The following ESRP1 variants were observed in gnomAD, a reference collection of about 807,000 sequenced individuals.
The protein encoded by ESRP1 is RNA-binding motif protein 35A.
Under a neutral mutation model 81.7 loss-of-function variants are expected in ESRP1, and 33 were observed. That is an observed-to-expected ratio of 0.40 (90% CI 0.31 to 0.54). ESRP1 has a LOEUF of 0.54. Among genes scored for constraint, ESRP1 ranks in the 20% least tolerant of loss-of-function variants. The pLI is 0.41. For synonymous variants in ESRP1, 320 were observed against 303.3 expected (o/e 1.06, Z -0.57); for missense variants, 672 against 833.1 (o/e 0.81, Z 2.38).
intron 12 of ESRP1, among the ~76,000 whole-genome samples, chr8:94,676,750 G>A (rs372109488): frequency 6.6e-5 from 10 of 151,690 alleles, no homozygotes; most frequent in East Asian, 5.9e-4. Context: ...TGCCCGCTTC[G>A]GCCTCCCAAA....
chr8:94,672,698 A>G (rs966676333), intron 11 of ESRP1, among the ~76,000 whole-genome samples: 1 of 151,988 alleles, frequency 6.6e-6, no homozygotes, highest in Non-Finnish European at 1.5e-5. Flanking sequence ...ATTCCCGGCT[A>G]ATTTTGGTAT....
chr8:94,647,672 G>C (rs113753326), intron 4 of ESRP1, among the ~76,000 whole-genome samples: 1 of 152,114 alleles, frequency 6.6e-6, no homozygotes, highest in African/African-American at 2.4e-5. Flanking sequence ...TTACATTGGG[G>C]GTTGGGCTTC....
chr8:94,675,857 C>T (rs530993047), intron 12 of ESRP1, among the ~76,000 whole-genome samples: 1 of 152,294 alleles, frequency 6.6e-6, no homozygotes, highest in South Asian at 2.1e-4. Flanking sequence ...CAGCCAGGTA[C>T]AGTGATTCAC....
At chr8:94,701,294 T>C (rs900442694) in intron 15 of ESRP1, among the ~76,000 whole-genome samples, 1 of 149,326 alleles carries the variant, frequency 6.7e-6, no homozygotes, top group African/African-American at 2.5e-5. Context: ...AAAAAAGAAT[T>C]GAGCGATTGA....
intron 4 of ESRP1, among the ~76,000 whole-genome samples, chr8:94,649,092 A>G (rs1279955423): frequency 6.6e-6 from 1 of 152,232 alleles, no homozygotes; most frequent in Non-Finnish European, 1.5e-5. Context: ...ATGATGACGC[A>G]CATCTGTAAT....
In ESRP1 at chr8:94,706,043, C is replaced by T. The variant is rs184622715; in HGVS notation, c.*154C>T. On this transcript the variant is annotated 3_prime_UTR_variant, in exon 16 of 16. Coordinates refer to ENST00000433389, the MANE Select transcript of ESRP1 (RefSeq NM_017697.4). ...TTTTCAGCAAACTTGATTGGACAAACGGGCCTGTGCCTTATCTTTTGGTGG... is the reference window on the plus strand; with the variant it reads ...TTTTCAGCAAACTTGATTGGACAAATGGGCCTGTGCCTTATCTTTTGGTGG... 49 of 1,223,150 alleles carry T rather than the reference C, an allele frequency of 4.0e-5. No individual in the cohort carries two copies. The East Asian group carries it at 8.5e-4, about 21-fold the overall frequency. 75.8% of individuals were successfully genotyped at this position (1,223,150 alleles called of 1,614,324 possible).
rs775978362 is a variant in ESRP1, at chr8:94,678,194, C to T, written c.1652-9C>T. The T allele has an allele frequency of 6.2e-6, 10 of 1,613,162 alleles. No individual in the cohort carries two copies. The Admixed American group carries it at 1.0e-4, about 16-fold the overall frequency. ...ATATGTCTCAAAGAATCTCTCTTTG[C>T]ATATCTAGGCCTGTCTCCTCCCTCC... On this transcript the variant is annotated splice_polypyrimidine_tract_variant and intron_variant, in intron 12 of 15. Coordinates refer to ENST00000433389, the MANE Select transcript of ESRP1 (RefSeq NM_017697.4).
At chr8:94,702,875 G>A (rs555440721) in intron 15 of ESRP1, among the ~76,000 whole-genome samples, 60 of 152,220 alleles carry the variant, frequency 3.9e-4, no homozygotes, top group Admixed American at 6.5e-4. Context: ...GTTTTTAAGG[G>A]ATTATAGGTT....
intron 13 of ESRP1, among the ~76,000 whole-genome samples, chr8:94,684,319 G>A (rs1167950511): frequency 6.6e-6 from 1 of 152,190 alleles, no homozygotes; most frequent in Admixed American, 6.5e-5. Context: ...GCCTGGAGAA[G>A]CCTGTATGGA....
At chr8:94,666,609 T>A (rs1819028173) in intron 9 of ESRP1, among the ~76,000 whole-genome samples, 1 of 152,146 alleles carries the variant, frequency 6.6e-6, no homozygotes, top group Non-Finnish European at 1.5e-5. Flanking sequence ...GGGTGAAAAT[T>A]TTGCAGCTAT....
At chr8:94,700,081 A>T (rs1162746658) in intron 15 of ESRP1, among the ~76,000 whole-genome samples, 1 of 152,204 alleles carries the variant, frequency 6.6e-6, no homozygotes, top group East Asian at 1.9e-4. Context: ...TAGGCAACTT[A>T]CACAAGTCAT....
intron 1 of ESRP1, 197 bp from the exon 2 acceptor site, chr8:94,641,759 G>T (rs1817605395): frequency 7.6e-6 from 6 of 786,774 alleles, no homozygotes; most frequent in Non-Finnish European, 1.1e-5. Context: ...CCACTTCCAG[G>T]GCTTTTCCGA....
intron 4 of ESRP1, among the ~76,000 whole-genome samples, chr8:94,658,462 T>C (rs1487072121): frequency 6.6e-6 from 1 of 152,176 alleles, no homozygotes; most frequent in East Asian, 1.9e-4. Context: ...AGGAATAGTA[T>C]CTAATGAACT....
intron 15 of ESRP1, among the ~76,000 whole-genome samples, chr8:94,703,794 G>A (rs1809944580): frequency 6.6e-6 from 1 of 152,180 alleles, no homozygotes. Context: ...GATATGCAGG[G>A]CTCTAACTGG....
intron 4 of ESRP1, among the ~76,000 whole-genome samples, chr8:94,660,498 G>A (rs1249227253): frequency 6.6e-6 from 1 of 151,914 alleles, no homozygotes; most frequent in Non-Finnish European, 1.5e-5. Context: ...CAGCACTTTA[G>A]GATACTGAGG....
intron 12 of ESRP1, among the ~76,000 whole-genome samples, chr8:94,677,188 T>C (rs1363478999): frequency 2.0e-5 from 3 of 152,196 alleles, no homozygotes; most frequent in Non-Finnish European, 2.9e-5. Flanking sequence ...TTCATCTCCA[T>C]GGAAATGTAG....
At chr8:94,662,937 T>C (rs1327811498) in intron 6 of ESRP1, among the ~76,000 whole-genome samples, 1 of 152,222 alleles carries the variant, frequency 6.6e-6, no homozygotes, top group Non-Finnish European at 1.5e-5. Context: ...ATTGTGCCTC[T>C]TAATTCTTGT....
chr8:94,689,823 T>TTTTTTTTTTTTTTA, intron 13 of ESRP1, among the ~76,000 whole-genome samples: 1 of 131,142 alleles, frequency 7.6e-6, no homozygotes, highest in Non-Finnish European at 1.7e-5. Context: ...TTTTTTTTTT[T>TTTTTTTTTTTTTTA]TTTTTTTTTT....
At chr8:94,678,575 A>T (rs1370916393) in intron 13 of ESRP1, among the ~76,000 whole-genome samples, 1 of 152,228 alleles carries the variant, frequency 6.6e-6, no homozygotes, top group African/African-American at 2.4e-5. Flanking sequence ...TGACAGCATG[A>T]TCTTTTAGGT....
Sources: allele counts gnomAD v4.1 joint callset (sites outside exome capture counted in the v4.1 genomes callset), GRCh38; gene constraint gnomAD v4.1.1; transcripts MANE v1.5; gene names NCBI Gene and HGNC (gene_info 2026-07-23, HGNC 2026-07-21).